The following NUDT3 variants were observed in gnomAD, a reference collection of about 807,000 sequenced individuals.
NUDT3 encodes nudix hydrolase 3, also known as diphosphoinositol polyphosphate phosphohydrolase 1.
Under a neutral mutation model 23.6 loss-of-function variants are expected in NUDT3, and 9 were observed. The observed-to-expected ratio is 0.38, with a 90% CI of 0.23 to 0.66. The LOEUF is 0.66. Ranked by LOEUF, NUDT3 falls within the 30% of genes least tolerant of loss-of-function variation. NUDT3 has a pLI of 0.52. For missense variants in NUDT3, 172 were observed against 218.5 expected (o/e 0.79, Z 1.34); for synonymous variants, 86 against 82.6 (o/e 1.04, Z -0.22).
chr6:34,320,230 CT>C (rs1419764558), intron 2 of NUDT3, among the ~76,000 whole-genome samples: 1 of 151,950 alleles, frequency 6.6e-6, no homozygotes, highest in African/African-American at 2.4e-5. Flanking sequence ...TACTTTTCTG[CT>C]CTTTTTTTTT....
intron 2 of NUDT3, among the ~76,000 whole-genome samples, chr6:34,305,878 T>C (rs1207091564): frequency 2.0e-5 from 3 of 152,334 alleles, no homozygotes; most frequent in South Asian, 4.1e-4. Flanking sequence ...TCTATCAGAG[T>C]ATATACAGTC....
intron 2 of NUDT3, among the ~76,000 whole-genome samples, chr6:34,333,404 T>C (rs529476251): frequency 6.6e-6 from 1 of 152,306 alleles, no homozygotes; most frequent in South Asian, 2.1e-4. Context: ...AAAAACTTTT[T>C]CTAGTAACAA....
At chr6:34,369,351 T>C (rs1156901803) in intron 1 of NUDT3, among the ~76,000 whole-genome samples, 1 of 152,244 alleles carries the variant, frequency 6.6e-6, no homozygotes, top group Non-Finnish European at 1.5e-5. Flanking sequence ...CTCTCTTCTT[T>C]CATCATTCAG....
In NUDT3 at chr6:34,392,443, C is replaced by G; in HGVS notation, c.-81G>C. On this transcript the variant is annotated 5_prime_UTR_variant, in exon 1 of 5. Transcript: ENST00000607016. ...CCCGCTCTGGACGGCCGCGTGCGCG[C>G]GCGCCCCCGGCTCGGCCAAGGGAAG... is the stretch of plus-strand genomic sequence containing the variant. 2 of 1,058,040 alleles carry G rather than the reference C, an allele frequency of 1.9e-6. No homozygotes were observed. Among genetic ancestry groups the G allele is most frequent in the Non-Finnish European group, 2.7e-6 (2 of 727,810 alleles). The allele number at this position is 1,058,040 out of a possible 1,614,324, so 65.5% of individuals were successfully genotyped here.
chr6:34,326,821 G>A (rs1007346683), intron 2 of NUDT3, among the ~76,000 whole-genome samples: 56 of 152,150 alleles, frequency 3.7e-4, no homozygotes, highest in Middle Eastern at 3.4e-3. Context: ...GGCTGGTTTC[G>A]AACCCCTAAC....
At chr6:34,297,726 A>ATATAT (rs1763525013) in intron 2 of NUDT3, among the ~76,000 whole-genome samples, 2 of 42,462 alleles carry the variant, frequency 4.7e-5, no homozygotes, top group East Asian at 1.3e-3. Flanking sequence ...TGTAAAAAAA[A>ATATAT]AAAAATATAT....
At chr6:34,294,555 G>A (rs1257928069) in intron 3 of NUDT3, among the ~76,000 whole-genome samples, 4 of 151,836 alleles carry the variant, frequency 2.6e-5, no homozygotes, top group African/African-American at 9.7e-5. Context: ...GGTGAAACCT[G>A]TCTCTACTAA....
intron 1 of NUDT3, among the ~76,000 whole-genome samples, chr6:34,344,365 A>G (rs1025589507): frequency 6.6e-6 from 1 of 152,242 alleles, no homozygotes; most frequent in South Asian, 2.1e-4. Context: ...CAGCCATTAA[A>G]AAAATGAATT....
chr6:34,290,728 T>C (rs1672002048), intron 4 of NUDT3, among the ~76,000 whole-genome samples: 2 of 147,032 alleles, frequency 1.4e-5, no homozygotes, highest in African/African-American at 5.1e-5. Flanking sequence ...TGTCATAGTA[T>C]CTAGTATGGA....
At chr6:34,337,063 A>C (rs1183175502) in intron 2 of NUDT3, among the ~76,000 whole-genome samples, 1 of 152,192 alleles carries the variant, frequency 6.6e-6, no homozygotes, top group Non-Finnish European at 1.5e-5. Context: ...CACTTCTTTC[A>C]TTCTGTTTTG....
chr6:34,332,509 G>GT (rs1764143148), intron 2 of NUDT3, among the ~76,000 whole-genome samples: 1 of 152,110 alleles, frequency 6.6e-6, no homozygotes, highest in Non-Finnish European at 1.5e-5. Flanking sequence ...GTATAATGGT[G>GT]TAACTTTTAC....
At chr6:34,344,969 T>C (rs1451200668) in intron 1 of NUDT3, among the ~76,000 whole-genome samples, 1 of 151,936 alleles carries the variant, frequency 6.6e-6, no homozygotes, top group Non-Finnish European at 1.5e-5. Flanking sequence ...CATTTTAAAA[T>C]GGCTAATGGT....
rs80032368 is a variant in NUDT3 at position 34,306,028 on chromosome 6, T to A, written c.211-10343A>T. ...AAGCTTCTCTCTCAACATATCTATGTGCTCAATCTTGTTAATGGTGTTATT... is the reference window on the plus strand; with the variant it reads ...AAGCTTCTCTCTCAACATATCTATGAGCTCAATCTTGTTAATGGTGTTATT... On this transcript the variant is annotated intron_variant, in intron 2 of 4. Transcript: ENST00000607016. Among the ~76,000 whole-genome samples the A allele has an allele frequency of 3.8e-4, 58 of 152,354 alleles. No homozygotes were observed. In the East Asian group the frequency reaches 0.011, roughly 28 times the overall value.
chr6:34,338,720 A>G (rs1764246395), intron 2 of NUDT3, among the ~76,000 whole-genome samples: 2 of 152,140 alleles, frequency 1.3e-5, no homozygotes, highest in Admixed American at 6.6e-5. Context: ...CAGCTCTCTC[A>G]CAAGCCACTG....
At chr6:34,299,186 G>A (rs977150914) in intron 2 of NUDT3, among the ~76,000 whole-genome samples, 9 of 152,156 alleles carry the variant, frequency 5.9e-5, no homozygotes, top group Non-Finnish European at 1.2e-4. Flanking sequence ...CAGATATTTG[G>A]CTCACACATT....
intron 2 of NUDT3, among the ~76,000 whole-genome samples, chr6:34,327,312 C>T (rs142971346): frequency 0.016 from 2,399 of 151,870 alleles, 53 homozygotes; most frequent in African/African-American, 0.053. Context: ...GGGTGGATCA[C>T]GAGGTCAAGA....
chr6:34,354,737 A>G (rs944317868), intron 1 of NUDT3, among the ~76,000 whole-genome samples: 1 of 145,974 alleles, frequency 6.9e-6, no homozygotes, highest in African/African-American at 2.5e-5. Context: ...GGGAAAAAGT[A>G]TATATATATA....
At chr6:34,301,467 AAGAGGCCTTGT>A (rs1763596194) in intron 2 of NUDT3, among the ~76,000 whole-genome samples, 1 of 152,258 alleles carries the variant, frequency 6.6e-6, no homozygotes, top group Non-Finnish European at 1.5e-5. Context: ...CCTAGGCCTC[AAGAGGCCTTGT>A]AGTTTCCACT....
intron 1 of NUDT3, among the ~76,000 whole-genome samples, chr6:34,381,192 T>A (rs1765011859): frequency 6.6e-6 from 1 of 152,006 alleles, no homozygotes. Context: ...AATTTTTAAA[T>A]TTTTTTATAG....
Sources: allele counts gnomAD v4.1 joint callset (sites outside exome capture counted in the v4.1 genomes callset), GRCh38; gene constraint gnomAD v4.1.1; transcripts MANE v1.5; gene names NCBI Gene and HGNC (gene_info 2026-07-23, HGNC 2026-07-21).